The following MRTFB variants were observed in gnomAD, a reference collection of about 807,000 sequenced individuals.
MRTFB encodes myocardin related transcription factor B, also known as myocardin-related transcription factor B.
In MRTFB, 29 loss-of-function variants were observed where a neutral mutation model predicts 104.2. That is an observed-to-expected ratio of 0.28 (90% CI 0.21 to 0.38). The LOEUF (loss-of-function observed/expected upper bound fraction) is 0.38. MRTFB is among the 10% of genes least tolerant of loss of function. The pLI is 1.00. For missense variants in MRTFB, 1,270 were observed against 1,341.6 expected, an observed-to-expected ratio of 0.95 and a Z score of 0.83; for synonymous variants, 535 against 519.5, an observed-to-expected ratio of 1.03 and a Z score of -0.41.
chr16:14,242,013 G>A (rs559054187), intron 10 of MRTFB, among the ~76,000 whole-genome samples: 74 of 144,588 alleles, frequency 5.1e-4, no homozygotes, highest in Non-Finnish European at 8.8e-4. Context: ...TAATAATAAT[G>A]GTAATGATGT....
intron 2 of MRTFB, among the ~76,000 whole-genome samples, chr16:14,107,486 T>C (rs753980456): frequency 6.6e-6 from 1 of 152,106 alleles, no homozygotes; most frequent in Non-Finnish European, 1.5e-5. Context: ...TTCCAGACAA[T>C]AGTTTTGGAC....
At chr16:14,241,264 A>G (rs181961182) in intron 10 of MRTFB, 194 of 154,594 alleles carry the variant, frequency 1.3e-3, no homozygotes, top group Non-Finnish European at 1.4e-4. Flanking sequence ...GAAGACAGTT[A>G]AAGGCCTTGG....
intron 4 of MRTFB, among the ~76,000 whole-genome samples, chr16:14,211,914 G>A (rs1294659484): frequency 1.3e-5 from 2 of 152,122 alleles, no homozygotes; most frequent in East Asian, 1.9e-4. Context: ...AGCCCATTAC[G>A]GGTTCTAAAT....
chr16:14,058,289 G>A, the MRTFB span, among the ~76,000 whole-genome samples: 19 of 152,280 alleles, frequency 1.2e-4, no homozygotes, highest in East Asian at 3.9e-4. Flanking sequence ...TAGGGTTGGC[G>A]GGAAGGGAGG....
chr16:14,240,858 G>A (rs1363705994), intron 10 of MRTFB: 1 of 637,114 alleles, frequency 1.6e-6, no homozygotes, highest in Admixed American at 2.7e-5. Flanking sequence ...AAGCTGGAGT[G>A]GTCAAAGGAA....
At chr16:14,113,010 G>A (rs1432475426) in intron 2 of MRTFB, among the ~76,000 whole-genome samples, 4 of 152,134 alleles carry the variant, frequency 2.6e-5, no homozygotes, top group Non-Finnish European at 5.9e-5. Flanking sequence ...AGAAATTTCT[G>A]TCTAGGTTAT....
chr16:14,213,742 C>A (rs2151184473), intron 6 of MRTFB, 122 bp downstream of exon 6: 3 of 697,140 alleles, frequency 4.3e-6, no homozygotes, highest in Admixed American at 3.2e-5. Flanking sequence ...TTCCTCCAAA[C>A]TGGATAGCAA....
chr16:14,220,310 A>C (rs1324838769), intron 8 of MRTFB, among the ~76,000 whole-genome samples: 1 of 152,178 alleles, frequency 6.6e-6, no homozygotes, highest in South Asian at 2.1e-4. Context: ...ACACTTATCC[A>C]TTTGGGTTGT....
chr16:14,183,156 T>C (rs961327577), intron 3 of MRTFB, among the ~76,000 whole-genome samples: 3 of 152,214 alleles, frequency 2.0e-5, no homozygotes, highest in Admixed American at 1.3e-4. Flanking sequence ...ATTAATATAC[T>C]TGAATTTGTG....
At chr16:14,100,910 C>T (rs1318118829) in intron 2 of MRTFB, among the ~76,000 whole-genome samples, 1 of 152,160 alleles carries the variant, frequency 6.6e-6, no homozygotes, top group African/African-American at 2.4e-5. Flanking sequence ...CGTTGCCTCT[C>T]TCACTCCTGA....
At chr16:14,078,836 A>G (rs999723378) in intron 1 of MRTFB, among the ~76,000 whole-genome samples, 2 of 152,094 alleles carry the variant, frequency 1.3e-5, no homozygotes, top group African/African-American at 4.8e-5. Flanking sequence ...TTTATTGAAC[A>G]CATATTTCAG....
the MRTFB span, among the ~76,000 whole-genome samples, chr16:14,041,359 G>A: frequency 6.6e-6 from 1 of 152,138 alleles, no homozygotes; most frequent in South Asian, 2.1e-4. Context: ...CCTAACCCTA[G>A]CCCCCGGCAA....
At chr16:14,226,798 G>C (rs574285801) in intron 8 of MRTFB, among the ~76,000 whole-genome samples, 64 of 152,044 alleles carry the variant, frequency 4.2e-4, no homozygotes, top group African/African-American at 1.4e-3. Flanking sequence ...AACATAGTGA[G>C]ACCTCATCTC....
In MRTFB at chr16:14,265,010, C is replaced by G. The variant is rs957366355; in HGVS notation, c.*3566C>G. The G allele has an allele frequency of 2.6e-5, 4 of 152,312 alleles. No individual in the cohort carries two copies. Among genetic ancestry groups the G allele is most frequent in the Admixed American group, 2.6e-4 (4 of 15,288 alleles). 9.4% of individuals were successfully genotyped at this position (152,312 alleles called of 1,614,324 possible). A position where few individuals can be genotyped will look rare whatever the true frequency, so the allele number is the denominator to read the frequency against. On this transcript the variant is annotated 3_prime_UTR_variant, in exon 17 of 17. Coordinates refer to ENST00000571589, the MANE Select transcript of MRTFB (RefSeq NM_001308142.2). The stretch of plus-strand genomic sequence containing the variant: ...TTTACTGTCCTCAAATGGACTTGGC[C>G]TTAGAGACGTGGTAAAGCACTTTGG...
chr16:14,247,484 C>T lies in MRTFB; in HGVS notation c.2224C>T (p.Pro742Ser). ...CTCGAGTGTCACCTCAGTGCAACTC[C>T]CTGTAGGCAGCCTCAAACTCCAGGT... ...QGSSVTSVQL[P>S]VGSLKLQTSP... The change falls in exon 12 of 17, where the codon CCT becomes TCT. Residue 742 changes from proline (P) to serine (S), a missense_variant. Physicochemically the swap from Pro to Ser is moderately conservative, Grantham distance 74. Around this residue, in one of 3 missense-constraint regions of MRTFB, gnomAD observed 1,144 missense variants for 1,131.5 expected, o/e 1.01. Coordinates refer to ENST00000571589, the MANE Select transcript of MRTFB (RefSeq NM_001308142.2). The T allele has an allele frequency of 6.4e-7, 1 of 1,568,224 alleles. No individual in the cohort carries two copies. The highest frequency in any genetic ancestry group is 8.6e-7 in the Non-Finnish European group (1 of 1,162,106).
intron 2 of MRTFB, among the ~76,000 whole-genome samples, chr16:14,138,942 A>C (rs574486051): frequency 6.6e-6 from 1 of 152,354 alleles, no homozygotes; most frequent in East Asian, 1.9e-4. Flanking sequence ...AAAATGGATC[A>C]TAGACTTAAA....
the MRTFB span, among the ~76,000 whole-genome samples, chr16:14,055,696 TCATATCAA>T: frequency 2.6e-5 from 4 of 152,182 alleles, no homozygotes; most frequent in Non-Finnish European, 5.9e-5. Flanking sequence ...ATCATGTCTA[TCATATCAA>T]CATATCAACA....
At chr16:14,245,500 A>G (rs368270827) in intron 10 of MRTFB, 28 bp from the exon 11 acceptor site, 3 of 1,583,660 alleles carry the variant, frequency 1.9e-6, no homozygotes, top group South Asian at 1.2e-5. Flanking sequence ...ATTTTATTAT[A>G]AACTCTAATT....
intron 3 of MRTFB, among the ~76,000 whole-genome samples, chr16:14,164,858 A>G (rs1264577180): frequency 6.6e-6 from 1 of 151,898 alleles, no homozygotes; most frequent in Non-Finnish European, 1.5e-5. Context: ...ATGCTCAATT[A>G]TGAGCATTTT....
Sources: gnomAD v4.1 joint callset for allele counts (sites outside exome capture counted in the v4.1 genomes callset) on GRCh38, gnomAD v4.1.1 for gene constraint, gnomAD v4.1.1 regional missense constraint, MANE v1.5 for transcripts, NCBI Gene and HGNC (gene_info 2026-07-23, HGNC 2026-07-21) for gene names.